The following PCDHA11 variants were observed in gnomAD, a reference collection of about 807,000 sequenced individuals.
PCDHA11 encodes the protein protocadherin alpha 11, also known as protocadherin alpha-11.
PCDHA11 carries 61 observed loss-of-function variants against 70.3 expected under a neutral mutation model. The observed-to-expected ratio is 0.87, with a 90% CI of 0.71 to 1.07. The LOEUF (loss-of-function observed/expected upper bound fraction) is 1.07. PCDHA11 is among the 50% of genes least tolerant of loss of function. The pLI is 0.00. For missense variants in PCDHA11, 1,324 were observed against 1,237.5 expected, an observed-to-expected ratio of 1.07 and a Z score of -1.05; for synonymous variants, 633 against 555.1, an observed-to-expected ratio of 1.14 and a Z score of -1.97.
chr5:140,883,091 G>T, intron 1 of PCDHA11: 1 of 1,614,112 alleles, frequency 6.2e-7, no homozygotes, highest in Non-Finnish European at 8.5e-7. Context: ...TGGTACAAAT[G>T]GAGATATAGT....
intron 1 of PCDHA11, among the ~76,000 whole-genome samples, chr5:140,944,948 A>T (rs1425847139): frequency 6.6e-6 from 1 of 152,200 alleles, no homozygotes; most frequent in African/African-American, 2.4e-5. Context: ...ATGATTGTGA[A>T]TAAGAGTATT....
chr5:140,900,312 T>C (rs902600593), intron 1 of PCDHA11, among the ~76,000 whole-genome samples: 1 of 151,284 alleles, frequency 6.6e-6, no homozygotes, highest in African/African-American at 2.4e-5. Flanking sequence ...AGTCTCACTT[T>C]TGTCGCCCAG....
At chr5:140,928,986 C>G (rs2085702741) in intron 1 of PCDHA11, 1 of 1,613,874 alleles carries the variant, frequency 6.2e-7, no homozygotes, top group East Asian at 2.2e-5. Flanking sequence ...TTCTGGGGTG[C>G]TTACTTTTCT....
chr5:140,870,329 A>G lies in PCDHA11; in HGVS notation c.1226A>G (p.Asp409Gly). 6.2e-7 allele frequency: 1 copy of G among 1,614,160 alleles called. No homozygotes were observed. Among genetic ancestry groups the G allele is most frequent in the Non-Finnish European group, 8.5e-7 (1 of 1,180,020 alleles). Residue 409 changes from aspartate to glycine, a missense_variant, in exon 1 of 4, where the codon GAC (aspartate) becomes GGC (glycine). Asp to Gly is a moderately conservative substitution (Grantham distance 94). Transcript: ENST00000398640. The stretch of plus-strand genomic sequence containing the variant: ...AAGAATTACTACTCGTTGGTGCTGG[A>G]CAGCGCCCTGGACCGCGAGAACGTG... ...TFKNYYSLVL[D>G]SALDRENVWA...
rs1231856848 is a variant in PCDHA11 at position 141,000,389 on chromosome 5, CTCTCTCTA to C, written c.2540-9236_2540-9229del. 6.2e-3 allele frequency among the ~76,000 whole-genome samples: 389 copies of C among 62,448 alleles called. 3 individuals are homozygous for C. Among genetic ancestry groups the C allele is most frequent in the East Asian group, 0.011 (21 of 1,838 alleles). The allele number at this position is 62,448 out of a possible 152,430, so 41.0% of individuals were successfully genotyped here. A position where few individuals can be genotyped will look rare whatever the true frequency, so the allele number is the denominator to read the frequency against. ...TCTCTCTCTCTCTCTCTCTCTCTCT[CTCTCTCTA>C]TATATATATATATATATATATATAT... is the stretch of plus-strand genomic sequence containing the variant. On this transcript the variant is annotated intron_variant, in intron 3 of 3. Coordinates refer to ENST00000398640, the MANE Select transcript of PCDHA11 (RefSeq NM_018902.5).
chr5:140,960,417 A>G (rs1340642372), intron 1 of PCDHA11, among the ~76,000 whole-genome samples: 10 of 152,218 alleles, frequency 6.6e-5, no homozygotes, highest in African/African-American at 1.9e-4. Flanking sequence ...CAAAAAGTCA[A>G]CAATTACTTG....
intron 1 of PCDHA11, among the ~76,000 whole-genome samples, chr5:140,964,575 G>A (rs2153740589): frequency 6.6e-6 from 1 of 152,212 alleles, no homozygotes; most frequent in East Asian, 1.9e-4. Flanking sequence ...GGAGATAAGG[G>A]GAGGAAAGAT....
intron 1 of PCDHA11, among the ~76,000 whole-genome samples, chr5:140,920,858 A>G (rs1182817298): frequency 6.6e-6 from 1 of 151,604 alleles, no homozygotes; most frequent in Non-Finnish European, 1.5e-5. Flanking sequence ...AAAAAAAAAA[A>G]CAAACAAACT....
chr5:140,926,890 A>C, intron 1 of PCDHA11: 2 of 1,543,874 alleles, frequency 1.3e-6, no homozygotes, highest in Non-Finnish European at 1.7e-6. Context: ...GCCTAGAGGG[A>C]GGATGGTGGG....
intron 1 of PCDHA11, chr5:140,966,695 C>G: frequency 7.4e-7 from 1 of 1,358,486 alleles, no homozygotes; most frequent in Non-Finnish European, 9.5e-7. Flanking sequence ...AGGCGGGGCC[C>G]GGGCGTGGGG....
At chr5:140,874,713 T>C (rs976044407) in intron 1 of PCDHA11, among the ~76,000 whole-genome samples, 2 of 152,248 alleles carry the variant, frequency 1.3e-5, no homozygotes, top group Non-Finnish European at 1.5e-5. Context: ...AGAGCAGTTA[T>C]GTGAAAAGTT....
chr5:140,995,334 T>C (rs2097677447), intron 3 of PCDHA11, among the ~76,000 whole-genome samples: 1 of 152,184 alleles, frequency 6.6e-6, no homozygotes, highest in Non-Finnish European at 1.5e-5. Context: ...GTGAGTAGTG[T>C]AGACGGCATG....
rs782328874 is a variant in PCDHA11, at chr5:141,009,755, C to G, written c.2668C>G (p.Pro890Ala). The G allele has an allele frequency of 6.2e-7, 1 of 1,614,002 alleles. No homozygotes were observed. Among genetic ancestry groups the G allele is most frequent in the African/African-American group, 1.3e-5 (1 of 74,894 alleles). ...TGAGTTGCCCGACAAATTCATTATC[C>G]CAGGATCTCCTGCAATCATCTCCAT... ...PGELPDKFII[P>A]GSPAIISIRQ... Residue 890 changes from proline (P) to alanine (A), a missense_variant, in exon 4 of 4, where the codon CCA becomes GCA. Physicochemically the swap from Pro to Ala is conservative, Grantham distance 27. Coordinates refer to ENST00000398640, the MANE Select transcript of PCDHA11 (RefSeq NM_018902.5).
In PCDHA11 at chr5:140,870,238, G is replaced by A; in HGVS notation, c.1135G>A (p.Gly379Ser). 1 of 1,614,162 alleles carries A rather than the reference G, an allele frequency of 6.2e-7. No homozygotes were observed. Among genetic ancestry groups the A allele is most frequent in the Non-Finnish European group, 8.5e-7 (1 of 1,180,046 alleles). ...ALISVSDRDS[G>S]VNGQVTCSLT... ...GATCAGCGTGTCTGACCGTGACTCA[G>A]GTGTCAACGGACAGGTGACCTGCTC... Residue 379 changes from glycine (G) to serine (S), a missense_variant, in exon 1 of 4, where the codon GGT becomes AGT. By Grantham distance (56) the Gly-to-Ser change is moderately conservative. Coordinates refer to ENST00000398640, the MANE Select transcript of PCDHA11 (RefSeq NM_018902.5).
chr5:140,873,893 T>G (rs1308011914), intron 1 of PCDHA11, among the ~76,000 whole-genome samples: 2 of 152,166 alleles, frequency 1.3e-5, no homozygotes, highest in Non-Finnish European at 2.9e-5. Context: ...ACTCCTGACC[T>G]CAGGTGATCT....
intron 1 of PCDHA11, chr5:140,877,328 A>G (rs782817195): frequency 1.2e-6 from 2 of 1,613,980 alleles, no homozygotes; most frequent in Non-Finnish European, 1.7e-6. Context: ...GTCGGCGCGC[A>G]CATCCCGTTC....
At position 140,928,541 on chromosome 5, in the gene PCDHA11, A is replaced by G. The variant is rs149868042; in HGVS notation, c.2392-50408A>G. On this transcript the variant is annotated intron_variant, in intron 1 of 3. Transcript: ENST00000398640. ...AACTTGTTTGTGGTAGATAGGAATG[A>G]CAATTATCCGGTTATCTTGTTTCCC... 2 of 1,614,192 alleles carry G rather than the reference A, an allele frequency of 1.2e-6. No homozygotes were observed. Among genetic ancestry groups the G allele is most frequent in the African/African-American group, 1.3e-5 (1 of 75,044 alleles).
chr5:140,877,702 G>T, intron 1 of PCDHA11: 2 of 1,613,996 alleles, frequency 1.2e-6, no homozygotes, highest in Admixed American at 3.3e-5. Context: ...GTGCTCCAGC[G>T]CCGTGGGGAG....
chr5:140,924,105 C>T lies in PCDHA11; in HGVS notation c.2391+52611C>T, dbSNP rs140580566. ...AGGCAGAAAGAATAAATTTTCATTC[C>T]AAAGCAGTTAGCTTGCTTAGCAGCA... is the stretch of plus-strand genomic sequence containing the variant. On this transcript the variant is annotated intron_variant, in intron 1 of 3. Coordinates refer to ENST00000398640, the MANE Select transcript of PCDHA11 (RefSeq NM_018902.5). Among the ~76,000 whole-genome samples the T allele has an allele frequency of 8.5e-5, 13 of 152,262 alleles. No homozygotes were observed. The East Asian group carries it at 2.5e-3, about 29-fold the overall frequency.
Sources: gnomAD v4.1 joint callset for allele counts (sites outside exome capture counted in the v4.1 genomes callset) on GRCh38, gnomAD v4.1.1 for gene constraint, MANE v1.5 for transcripts, NCBI Gene and HGNC (gene_info 2026-07-23, HGNC 2026-07-21) for gene names.